Variants in JPT2 observed in about 807,000 individuals in gnomAD.
JPT2 encodes the protein Jupiter microtubule associated homolog 2.
A neutral mutation model predicts 15.9 loss-of-function variants in JPT2; 9 were observed. That is an observed-to-expected ratio of 0.57 (90% CI 0.34 to 0.99). JPT2 has a LOEUF of 0.99. Ranked by LOEUF, JPT2 falls within the 50% of genes least tolerant of loss-of-function variation. JPT2 has a pLI of 0.02. For synonymous variants in JPT2, 95 were observed against 91.7 expected, an observed-to-expected ratio of 1.04 and a Z score of -0.21; for missense variants, 267 against 252.1, an observed-to-expected ratio of 1.06 and a Z score of -0.40.
At position 1,685,103 on chromosome 16, in the gene JPT2, G is replaced by A. The variant is rs569931848; in HGVS notation, c.45-336G>A. The stretch of plus-strand genomic sequence containing the variant: ...GCACTTTGGGACGCCAAGGTGGGCA[G>A]ATCACTTGAGCTTAGGGGTTCAAGA... On this transcript the variant is annotated intron_variant, in intron 1 of 4. Coordinates refer to ENST00000248098, the MANE Select transcript of JPT2 (RefSeq NM_144570.3). 2.6e-5 allele frequency among the ~76,000 whole-genome samples: 4 copies of A among 152,248 alleles called. No individual in the cohort carries two copies. In the South Asian group the frequency reaches 8.3e-4, roughly 32 times the overall value.
At chr16:1,679,127 T>C (rs1297691442) in intron 1 of JPT2, among the ~76,000 whole-genome samples, 1 of 152,226 alleles carries the variant, frequency 6.6e-6, no homozygotes, top group Non-Finnish European at 1.5e-5. Context: ...GGGACTCGCA[T>C]GAATTAGAGG....
chr16:1,678,422 A>G (rs1596502965), intron 1 of JPT2, 66 bp downstream of exon 1: 5 of 615,128 alleles, frequency 8.1e-6, no homozygotes, highest in Non-Finnish European at 1.0e-5. Context: ...GGGCCAGCCC[A>G]GGGCGTCCAC....
At chr16:1,693,319 A>AC (rs1270478205) in intron 3 of JPT2, among the ~76,000 whole-genome samples, 2 of 151,102 alleles carry the variant, frequency 1.3e-5, no homozygotes, top group African/African-American at 4.9e-5. Context: ...CTGGTCTTGA[A>AC]CTCCTGTCCT....
chr16:1,683,452 A>G (rs1596505139), intron 1 of JPT2: 2 of 1,183,560 alleles, frequency 1.7e-6, no homozygotes, highest in African/African-American at 3.1e-5. Context: ...TATTTTTAAA[A>G]AATAATTTTT....
At position 1,699,171 on chromosome 16, in the gene JPT2, C is replaced by T. The variant is rs757080031; in HGVS notation, c.*173C>T. 43 of 738,400 alleles carry T rather than the reference C, an allele frequency of 5.8e-5. No homozygotes were observed. The highest frequency in any genetic ancestry group is 5.3e-4 in the African/African-American group (31 of 58,036). 45.7% of individuals were successfully genotyped at this position (738,400 alleles called of 1,614,324 possible). On this transcript the variant is annotated 3_prime_UTR_variant, in exon 5 of 5. Transcript: ENST00000248098. ...CAGCTGCTTGGAGACCCGTGCCTTCCAGATGGCTGGGAGATGCCTCTGTGG... is the reference window on the plus strand; with the variant it reads ...CAGCTGCTTGGAGACCCGTGCCTTCTAGATGGCTGGGAGATGCCTCTGTGG...
At chr16:1,695,738 G>T (rs2037136850) in intron 3 of JPT2, among the ~76,000 whole-genome samples, 1 of 151,956 alleles carries the variant, frequency 6.6e-6, no homozygotes, top group Non-Finnish European at 1.5e-5. Context: ...GGGCATGGTG[G>T]TGCACACCTG....
downstream of JPT2, among the ~76,000 whole-genome samples, chr16:1,702,616 C>T (rs1425976350): frequency 6.6e-6 from 1 of 152,218 alleles, no homozygotes; most frequent in African/African-American, 2.4e-5. Context: ...AGGTCACACC[C>T]TGTGAGTGTG....
chr16:1,689,782 G>A (rs1235335924), intron 2 of JPT2: 2 of 152,100 alleles, frequency 1.3e-5, no homozygotes, highest in African/African-American at 4.8e-5. Context: ...GGATATGAAG[G>A]AAGGTTGACA....
intron 1 of JPT2, among the ~76,000 whole-genome samples, chr16:1,681,849 A>T (rs1399190437): frequency 6.6e-6 from 1 of 152,214 alleles, no homozygotes; most frequent in Non-Finnish European, 1.5e-5. Flanking sequence ...CAGAGCTTGC[A>T]GTCAAGGCGA....
chr16:1,702,465 G>A (rs781596749), downstream of JPT2, among the ~76,000 whole-genome samples: 3 of 152,214 alleles, frequency 2.0e-5, no homozygotes, highest in South Asian at 2.1e-4. Context: ...AGAAGGACGC[G>A]GGTGCCACCT....
chr16:1,688,977 A>G (rs2037086564), intron 2 of JPT2: 1 of 152,328 alleles, frequency 6.6e-6, no homozygotes, highest in East Asian at 1.9e-4. Flanking sequence ...GTGGTTTCCA[A>G]AAAATTCAGG....
intron 1 of JPT2, among the ~76,000 whole-genome samples, chr16:1,679,821 C>T (rs367881329): frequency 1.1e-3 from 174 of 151,768 alleles, no homozygotes; most frequent in African/African-American, 4.1e-3. Flanking sequence ...CTTGGGGAGG[C>T]CGAGGCAGGT....
chr16:1,696,677 T>C (rs1235626770), intron 3 of JPT2, among the ~76,000 whole-genome samples: 1 of 152,154 alleles, frequency 6.6e-6, no homozygotes, highest in Non-Finnish European at 1.5e-5. Context: ...GACTTGAATA[T>C]ACATTTCTCC....
At chr16:1,683,385 A>C (rs890708430) in intron 1 of JPT2, 21 of 658,248 alleles carry the variant, frequency 3.2e-5, no homozygotes, top group Middle Eastern at 6.8e-4. Flanking sequence ...TGCTGGGATT[A>C]CAGGTGCCAG....
At chr16:1,689,243 AAGTC>A (rs1005140524) in intron 2 of JPT2, 1 of 152,024 alleles carries the variant, frequency 6.6e-6, no homozygotes, top group Non-Finnish European at 1.5e-5. Context: ...AAAAAAAAAA[AAGTC>A]AGCCGTTATA....
At chr16:1,691,677 T>A (rs1380685058) in intron 2 of JPT2, among the ~76,000 whole-genome samples, 166 bp from the exon 3 acceptor site, 3 of 150,768 alleles carry the variant, frequency 2.0e-5, no homozygotes, top group Non-Finnish European at 4.4e-5. Context: ...AGGGGTTTCA[T>A]GGATCTTCAG....
rs567129232 is a variant in JPT2 at position 1,699,656 on chromosome 16, G to A, written c.*658G>A. 1.1e-5 allele frequency: 3 copies of A among 271,382 alleles called. No homozygotes were observed. The highest frequency in any genetic ancestry group is 4.7e-5 in the Admixed American group (1 of 21,124). The allele number at this position is 271,382 out of a possible 1,614,324, so 16.8% of individuals were successfully genotyped here. A position where few individuals can be genotyped will look rare whatever the true frequency, so the allele number is the denominator to read the frequency against. On this transcript the variant is annotated 3_prime_UTR_variant, in exon 5 of 5. Transcript: ENST00000248098. ...TTCCTGCCATCTGAAACCTCGGCCTGATCTGATCTCATGTTGGAATCTGCC... is the reference window on the plus strand; with the variant it reads ...TTCCTGCCATCTGAAACCTCGGCCTAATCTGATCTCATGTTGGAATCTGCC...
intron 2 of JPT2, chr16:1,690,520 C>G (rs1190247848): frequency 6.6e-6 from 1 of 152,178 alleles, no homozygotes; most frequent in Non-Finnish European, 1.5e-5. Context: ...CATGAATAAA[C>G]TCTCTTTAAG....
Position 1,698,939 on chromosome 16 carries a change from C to T in JPT2, c.514C>T (p.Arg172Cys), listed in dbSNP as rs762178966. ...TGAGCCCCGGCTGGGGCCGCGGCCT[C>T]GCTCTCACAACAAGGTCCTGAACCC... ...SHEPRLGPRP[R>C]SHNKVLNPPG... The change falls in exon 5 of 5, where the codon CGC becomes TGC. Residue 172 changes from arginine to cysteine, a missense_variant. Transcript: ENST00000248098. The surrounding 1 kb of genome is among the most constrained non-coding windows in gnomAD (Gnocchi z 4.9). The T allele has an allele frequency of 3.7e-6, 6 of 1,614,194 alleles. No individual in the cohort carries two copies. Among genetic ancestry groups the T allele is most frequent in the Admixed American group, 1.7e-5 (1 of 60,022 alleles).
Sources: gnomAD v4.1 joint callset for allele counts (sites outside exome capture counted in the v4.1 genomes callset) on GRCh38, gnomAD v4.1.1 for gene constraint, Gnocchi (gnomAD v3.1) non-coding constraint, MANE v1.5 for transcripts, NCBI Gene and HGNC (gene_info 2026-07-23, HGNC 2026-07-21) for gene names.